PSD3: variants seen among roughly 807,000 people sequenced by gnomAD.
PSD3 encodes the protein pleckstrin and Sec7 domain containing 3.
A neutral mutation model predicts 105.5 loss-of-function variants in PSD3; 49 were observed. The ratio of observed to expected loss-of-function variants is 0.46; its 90% CI spans 0.37 to 0.59. The LOEUF is 0.59. Ranked by LOEUF, PSD3 falls within the 20% of genes least tolerant of loss-of-function variation. The pLI is 0.00. For synonymous variants in PSD3, 557 were observed against 457.8 expected (o/e 1.22, Z -2.77); for missense variants, 1,561 against 1,263.8 (o/e 1.24, Z -3.57).
chr8:18,743,936 G>T (rs1463682743), intron 9 of PSD3, among the ~76,000 whole-genome samples: 8 of 145,488 alleles, frequency 5.5e-5, no homozygotes, highest in Non-Finnish European at 3.0e-5. Flanking sequence ...CTCCAGCCTG[G>T]GTGAAAGTGC....
chr8:18,763,276 C>A (rs1215074992), intron 9 of PSD3, among the ~76,000 whole-genome samples: 3 of 151,882 alleles, frequency 2.0e-5, no homozygotes, highest in Admixed American at 2.0e-4. Context: ...TATGAGGAAA[C>A]CTAATAAAGG....
At chr8:18,698,476 G>A (rs1801388589) in intron 9 of PSD3, among the ~76,000 whole-genome samples, 1 of 152,074 alleles carries the variant, frequency 6.6e-6, no homozygotes, top group Non-Finnish European at 1.5e-5. Context: ...CGGGATGACA[G>A]AAGCAGAAGG....
intron 1 of PSD3, among the ~76,000 whole-genome samples, chr8:19,060,264 G>C (rs1036686381): frequency 6.6e-6 from 1 of 152,166 alleles, no homozygotes; most frequent in Admixed American, 6.5e-5. Context: ...AATGAAATGA[G>C]TTTCCAAGAA....
At chr8:18,789,416 A>G (rs1809491299) in intron 8 of PSD3, among the ~76,000 whole-genome samples, 1 of 152,204 alleles carries the variant, frequency 6.6e-6, no homozygotes, top group Admixed American at 6.5e-5. Flanking sequence ...CTCACTTAGG[A>G]AAGTATGACT....
chr8:18,736,631 T>C (rs891250312), intron 9 of PSD3, among the ~76,000 whole-genome samples: 2 of 152,074 alleles, frequency 1.3e-5, no homozygotes, highest in African/African-American at 4.8e-5. Flanking sequence ...AAATATTTTA[T>C]AGAGATAAGG....
intron 1 of PSD3, among the ~76,000 whole-genome samples, chr8:19,074,798 T>C (rs1353607734): frequency 6.6e-6 from 1 of 151,040 alleles, no homozygotes; most frequent in Non-Finnish European, 1.5e-5. Context: ...TTTTTTGTAT[T>C]TTTAGTGGAG....
intron 2 of PSD3, among the ~76,000 whole-genome samples, chr8:18,885,389 T>C (rs1348770633): frequency 6.6e-6 from 1 of 152,162 alleles, no homozygotes. Flanking sequence ...AACACATATA[T>C]GGTAAGATTA....
intron 1 of PSD3, among the ~76,000 whole-genome samples, chr8:18,947,013 G>A (rs906079864): frequency 2.0e-5 from 3 of 151,874 alleles, no homozygotes; most frequent in Non-Finnish European, 2.9e-5. Context: ...AACAAATGGG[G>A]AAGATGCTCG....
chr8:19,046,460 T>C (rs916809814), intron 1 of PSD3, among the ~76,000 whole-genome samples: 1 of 152,188 alleles, frequency 6.6e-6, no homozygotes. Flanking sequence ...CAGCAACCGA[T>C]TTCCTTTATT....
chr8:18,883,184 A>G (rs1007019387), intron 2 of PSD3, among the ~76,000 whole-genome samples: 1 of 152,196 alleles, frequency 6.6e-6, no homozygotes, highest in Non-Finnish European at 1.5e-5. Flanking sequence ...ACACCTCCAG[A>G]AAACTACAAC....
chr8:19,043,322 T>C (rs1339232014), intron 1 of PSD3, among the ~76,000 whole-genome samples: 4 of 152,210 alleles, frequency 2.6e-5, no homozygotes, highest in Non-Finnish European at 4.4e-5. Flanking sequence ...ATACATACTA[T>C]GATACTCAGC....
At chr8:18,774,001 A>G (rs1807793479) in intron 8 of PSD3, among the ~76,000 whole-genome samples, 1 of 152,148 alleles carries the variant, frequency 6.6e-6, no homozygotes, top group Non-Finnish European at 1.5e-5. Flanking sequence ...CTGTAAAATT[A>G]TTTCACTTTT....
In PSD3 at chr8:18,940,645, C is replaced by T. The variant is rs1054198253; in HGVS notation, c.22-4503G>A. 3.9e-5 allele frequency among the ~76,000 whole-genome samples: 6 copies of T among 152,186 alleles called. No homozygotes were observed. The South Asian group carries it at 1.2e-3, about 32-fold the overall frequency. ...ACATGCCATGTTGACTTCTGATTAA[C>T]CCCAGTTCTGGGAATGCCTCTGAGA... On this transcript the variant is annotated intron_variant, in intron 1 of 15. Transcript: ENST00000327040.
chr8:19,047,326 A>T (rs1828354677), intron 1 of PSD3, among the ~76,000 whole-genome samples: 1 of 152,156 alleles, frequency 6.6e-6, no homozygotes, highest in Non-Finnish European at 1.5e-5. Flanking sequence ...CATTGTATAG[A>T]TTTCACCGCA....
chr8:18,771,483 T>C (rs1175218030), intron 8 of PSD3, among the ~76,000 whole-genome samples: 3 of 152,238 alleles, frequency 2.0e-5, no homozygotes, highest in Admixed American at 2.0e-4. Flanking sequence ...TTAGCTCTTA[T>C]ATTTAGATAT....
At chr8:18,720,411 T>A (rs963105307) in intron 9 of PSD3, among the ~76,000 whole-genome samples, 3 of 152,156 alleles carry the variant, frequency 2.0e-5, no homozygotes, top group Non-Finnish European at 4.4e-5. Flanking sequence ...AAGGGTATAA[T>A]TTTATTAAGT....
At chr8:18,990,742 G>A (rs76310499) in intron 1 of PSD3, among the ~76,000 whole-genome samples, 2,375 of 152,254 alleles carry the variant, frequency 0.016, 57 homozygotes, top group African/African-American at 0.054. Flanking sequence ...AAGGTTGCCT[G>A]TGCCTATGAA....
intron 1 of PSD3, among the ~76,000 whole-genome samples, chr8:18,952,535 T>A (rs1233314709): frequency 1.3e-5 from 2 of 152,236 alleles, no homozygotes; most frequent in South Asian, 4.1e-4. Flanking sequence ...ACTACTGATG[T>A]GACTCTGATT....
intron 2 of PSD3, among the ~76,000 whole-genome samples, chr8:18,902,552 T>G (rs1333110767): frequency 6.6e-6 from 1 of 152,238 alleles, no homozygotes; most frequent in Non-Finnish European, 1.5e-5. Flanking sequence ...TCATATTTCC[T>G]TGCCTTTTCA....
Sources: gnomAD v4.1 joint callset for allele counts (sites outside exome capture counted in the v4.1 genomes callset) on GRCh38, gnomAD v4.1.1 for gene constraint, MANE v1.5 for transcripts, NCBI Gene and HGNC (gene_info 2026-07-23, HGNC 2026-07-21) for gene names.